Variants in GAS2L1 observed in about 807,000 individuals in gnomAD.
The protein encoded by GAS2L1 is GAS2-like protein 1.
A neutral mutation model predicts 44.0 loss-of-function variants in GAS2L1; 26 were observed. That is an observed-to-expected ratio of 0.59 (90% CI 0.43 to 0.82). GAS2L1 has a LOEUF of 0.82. Among genes scored for constraint, GAS2L1 ranks in the 40% least tolerant of loss-of-function variants. GAS2L1 has a pLI of 0.00. For synonymous variants in GAS2L1, 426 were observed against 415.9 expected (o/e 1.02, Z -0.30); for missense variants, 1,006 against 983.0 (o/e 1.02, Z -0.31).
chr22:29,310,537 C>G (rs1230025613), exon 2 of GAS2L1: 3 of 1,606,058 alleles, frequency 1.9e-6, no homozygotes, highest in East Asian at 4.5e-5. Context: ...GCCTGCTCAT[C>G]TTTGTGCGGG....
intron 4 of GAS2L1, 85 bp downstream of exon 5, chr22:29,311,083 CAG>C (rs1252850557): frequency 2.3e-6 from 3 of 1,305,920 alleles, no homozygotes; most frequent in African/African-American, 1.5e-5. Context: ...GCCTGTGCGC[CAG>C]AGTGACTCAC....
exon 1 of GAS2L1, chr22:29,307,722 GT>G (rs1253384074): frequency 1.2e-5 from 2 of 168,764 alleles, no homozygotes; most frequent in Non-Finnish European, 2.5e-5. Flanking sequence ...TTCCTTTCGT[GT>G]CCACTGGGGG....
chr22:29,311,153 C>T (rs1317340344), intron 4 of GAS2L1, 155 bp downstream of exon 5: 4 of 684,510 alleles, frequency 5.8e-6, no homozygotes. Flanking sequence ...TCCATGGCAA[C>T]CCAACCAAAC....
chr22:29,311,361 C>G (rs1178941841), intron 4 of GAS2L1, 101 bp from the exon 6 acceptor site: 4 of 606,026 alleles, frequency 6.6e-6, no homozygotes, highest in South Asian at 4.1e-5. Context: ...CCCTGACAGC[C>G]CCGTCCACCA....
Position 29,311,992 on chromosome 22 carries a change from A to C in GAS2L1, c.1541A>C (p.Glu514Ala), listed in dbSNP as rs1358637472. Residue 514 changes from glutamate to alanine, a missense_variant, in exon 5 of 5, where the codon GAG (glutamate) becomes GCG (alanine). Physicochemically the swap from Glu to Ala is moderately radical, Grantham distance 107. Transcript: ENST00000618518. ...CCCCTGCAGCTCGACCCGCAGCAGG[A>C]GCAGCAGCTGTTCCGGCGCCTGGAA... 1.9e-6 allele frequency: 3 copies of C among 1,611,022 alleles called. No individual in the cohort carries two copies. The African/African-American group carries it at 4.0e-5, about 21-fold the overall frequency.
chr22:29,307,053 G>A (rs910112192), upstream of GAS2L1: 6 of 152,088 alleles, frequency 3.9e-5, no homozygotes, highest in African/African-American at 1.4e-4. Flanking sequence ...CGCGGCGCGG[G>A]ACGCATAGAG....
At chr22:29,311,049 C>T (rs200255354) in intron 4 of GAS2L1, 51 bp downstream of exon 5, 1 of 1,518,996 alleles carries the variant, frequency 6.6e-7, no homozygotes. Flanking sequence ...GGGGGGGCGT[C>T]AGCCCTGGCC....
chr22:29,311,614 C>T, exon 5 of GAS2L1: 2 of 1,538,326 alleles, frequency 1.3e-6, no homozygotes, highest in Non-Finnish European at 1.7e-6. Context: ...CGGCGGCTGA[C>T]CACAGGCACC....
rs1421404422 is a variant in GAS2L1, at chr22:29,310,515, TG to T, written c.715del (p.Asp239ThrfsTer11). On this transcript the variant is annotated frameshift_variant, in exon 2 of 5. Transcript: ENST00000618518. LOFTEE classifies it high-confidence loss of function. ...AAGGTCTCAGAGGGGAAGTACCGTG[TG>T]GGGGACTCGAGCCTGCTCATCTTTG... The T allele has an allele frequency of 6.2e-7, 1 of 1,610,834 alleles. No homozygotes were observed. The highest frequency in any genetic ancestry group is 1.7e-5 in the Admixed American group (1 of 60,022).
intron 1 of GAS2L1, 100 bp from the exon 3 acceptor site, chr22:29,310,339 A>C (rs1035124145): frequency 2.9e-6 from 2 of 699,750 alleles, no homozygotes; most frequent in Non-Finnish European, 5.2e-6. Flanking sequence ...CCATCCACTT[A>C]CCCGGAAAGC....
chr22:29,312,333 T>C, exon 5 of GAS2L1: 3 of 1,604,634 alleles, frequency 1.9e-6, no homozygotes, highest in Non-Finnish European at 2.6e-6. Flanking sequence ...CACTGAACCC[T>C]CGAGGACCTG....
exon 5 of GAS2L1, chr22:29,311,484 C>G (rs1262285573): frequency 6.8e-7 from 1 of 1,468,744 alleles, no homozygotes; most frequent in Non-Finnish European, 9.2e-7. Flanking sequence ...GCTGCCCCCC[C>G]ATCCCCGCTC....
At chr22:29,308,613 G>T in exon 1 of GAS2L1, 1 of 1,592,888 alleles carries the variant, frequency 6.3e-7, no homozygotes, top group Non-Finnish European at 8.6e-7. Context: ...GGAGCTGCGT[G>T]CTGCACCCCC....
intron 4 of GAS2L1, chr22:29,311,228 G>A: frequency 1.7e-6 from 1 of 591,846 alleles, no homozygotes; most frequent in South Asian, 2.1e-5. Context: ...GCTTCCTCTG[G>A]CCCGTCCTGG....
At chr22:29,308,403 C>T (rs768722703) in exon 1 of GAS2L1, 4 of 1,608,374 alleles carry the variant, frequency 2.5e-6, no homozygotes, top group African/African-American at 1.3e-5. Flanking sequence ...CTTCATGGCG[C>T]GCGACAACGT....
chr22:29,311,249 G>GTC, intron 4 of GAS2L1: 1 of 586,568 alleles, frequency 1.7e-6, no homozygotes, highest in Non-Finnish European at 3.0e-6. Flanking sequence ...GAAGGGGGGT[G>GTC]TCTAGAGCCC....
exon 4 of GAS2L1, chr22:29,310,964 C>A: frequency 1.2e-6 from 2 of 1,613,532 alleles, no homozygotes; most frequent in South Asian, 2.2e-5. Flanking sequence ...CGTTAGCTTA[C>A]GAAGCACAAA....
chr22:29,308,698 C>G (rs541058137), exon 1 of GAS2L1: 6 of 1,503,192 alleles, frequency 4.0e-6, no homozygotes, highest in Non-Finnish European at 4.4e-6. Flanking sequence ...GCCCGCGGCC[C>G]CCGCATGACA....
At chr22:29,308,653 A>C in exon 1 of GAS2L1, 3 of 1,559,194 alleles carry the variant, frequency 1.9e-6, no homozygotes, top group Non-Finnish European at 2.6e-6. Context: ...GCTGGGGAGG[A>C]CACCACTGAA....
Sources: gnomAD v4.1 joint callset for allele counts on GRCh38, gnomAD v4.1.1 for gene constraint, MANE v1.5 for transcripts, NCBI Gene and HGNC (gene_info 2026-07-23, HGNC 2026-07-21) for gene names.